Variants in CCSER1 observed in about 807,000 individuals in gnomAD.
CCSER1 encodes the protein coiled-coil serine rich protein 1.
Under a neutral mutation model 82.0 loss-of-function variants are expected in CCSER1, and 41 were observed. The ratio of observed to expected loss-of-function variants is 0.50; its 90% CI spans 0.39 to 0.65. The LOEUF is 0.65. Among genes scored for constraint, CCSER1 ranks in the 30% least tolerant of loss-of-function variants. The pLI, the probability that CCSER1 is intolerant of heterozygous loss-of-function variation, is 0.00. For synonymous variants in CCSER1, 414 were observed against 383.9 expected, an observed-to-expected ratio of 1.08 and a Z score of -0.92; for missense variants, 1,119 against 1,064.2, an observed-to-expected ratio of 1.05 and a Z score of -0.72.
intron 10 of CCSER1, among the ~76,000 whole-genome samples, chr4:91,296,449 T>TTATATATATATACATA (rs1189152879): frequency 4.3e-5 from 4 of 94,116 alleles, no homozygotes; most frequent in African/African-American, 1.7e-4. Context: ...GTGTCTAACA[T>TTATATATATATACATA]TATATATATA....
At chr4:91,394,307 G>A (rs1385758524) in intron 10 of CCSER1, among the ~76,000 whole-genome samples, 1 of 152,070 alleles carries the variant, frequency 6.6e-6, no homozygotes, top group Non-Finnish European at 1.5e-5. Context: ...TCTATCCACT[G>A]AGAGGTAATT....
intron 7 of CCSER1, chr4:90,781,351 T>A (rs1052426334): frequency 2.0e-6 from 2 of 985,314 alleles, no homozygotes; most frequent in Admixed American, 1.2e-4. Context: ...AAACCTCTTT[T>A]GTACTGTATC....
intron 8 of CCSER1, among the ~76,000 whole-genome samples, chr4:90,864,349 C>A (rs1658823343): frequency 6.6e-6 from 1 of 152,012 alleles, no homozygotes; most frequent in Non-Finnish European, 1.5e-5. Context: ...ACCTCCAATG[C>A]AACAGTGTTG....
chr4:90,714,646 G>A (rs1741297180), intron 6 of CCSER1, among the ~76,000 whole-genome samples: 1 of 151,898 alleles, frequency 6.6e-6, no homozygotes, highest in African/African-American at 2.4e-5. Context: ...CACCTTGGGG[G>A]AATGCTACAA....
intron 5 of CCSER1, among the ~76,000 whole-genome samples, chr4:90,536,995 T>A (rs1247243450): frequency 3.3e-5 from 5 of 152,238 alleles, no homozygotes; most frequent in African/African-American, 7.2e-5. Context: ...GCTAATCTGA[T>A]TATCTCATCT....
At chr4:91,396,495 TAGA>T (rs139443189) in intron 10 of CCSER1, among the ~76,000 whole-genome samples, 4,872 of 152,170 alleles carry the variant, frequency 0.032, 240 homozygotes, top group African/African-American at 0.11. Context: ...CAACTTGTAC[TAGA>T]AGAATGTACC....
chr4:90,841,225 A>G (rs1456081369), intron 8 of CCSER1, among the ~76,000 whole-genome samples: 7 of 152,196 alleles, frequency 4.6e-5, no homozygotes, highest in Admixed American at 2.6e-4. Context: ...CTCATTCTTA[A>G]GAAAGCAGGA....
intron 10 of CCSER1, among the ~76,000 whole-genome samples, chr4:91,146,442 G>A (rs1729545801): frequency 6.6e-6 from 1 of 152,126 alleles, no homozygotes; most frequent in South Asian, 2.1e-4. Context: ...ATTTCAATCT[G>A]GTTAGGATCC....
intron 10 of CCSER1, among the ~76,000 whole-genome samples, chr4:91,370,111 A>T (rs1482223372): frequency 6.6e-6 from 1 of 152,164 alleles, no homozygotes; most frequent in Non-Finnish European, 1.5e-5. Flanking sequence ...ACCTGCTAAC[A>T]AGTCTATTTA....
intron 7 of CCSER1, among the ~76,000 whole-genome samples, chr4:90,783,028 G>A (rs1754023074): frequency 1.3e-5 from 2 of 151,948 alleles, no homozygotes. Flanking sequence ...TGTAACCTCT[G>A]CCTCCCTGGT....
rs1452378185 is a variant in CCSER1 at position 91,326,640 on chromosome 4, G to A, written c.2217+240646G>A. ...CATGCCTTTCCAGCAGTTCCCCAGA[G>A]TCCTAACTCATTCCATCATTAAGTC... On this transcript the variant is annotated intron_variant, in intron 10 of 10. Coordinates refer to ENST00000509176, the MANE Select transcript of CCSER1 (RefSeq NM_001145065.2). Among the ~76,000 whole-genome samples the A allele has an allele frequency of 1.3e-5, 2 of 152,016 alleles. 1 individual carries two copies. Among genetic ancestry groups the A allele is most frequent in the South Asian group, 4.1e-4 (2 of 4,824 alleles).
intron 10 of CCSER1, among the ~76,000 whole-genome samples, chr4:91,505,454 A>G (rs929680673): frequency 6.6e-6 from 1 of 152,226 alleles, no homozygotes. Flanking sequence ...CTTTGGGTAT[A>G]TACCCAGTAA....
intron 3 of CCSER1, among the ~76,000 whole-genome samples, chr4:90,390,557 G>A (rs550713587): frequency 6.6e-6 from 1 of 152,244 alleles, no homozygotes; most frequent in South Asian, 2.1e-4. Flanking sequence ...TTCTGTTCCT[G>A]ATTTAAGTTG....
intron 10 of CCSER1, among the ~76,000 whole-genome samples, chr4:91,472,010 A>T (rs1290650710): frequency 6.6e-6 from 1 of 151,720 alleles, no homozygotes; most frequent in African/African-American, 2.4e-5. Context: ...AAAACTAAAG[A>T]TTTTATTTAA....
chr4:91,076,085 T>C (rs1042135943), intron 9 of CCSER1, among the ~76,000 whole-genome samples: 2 of 152,160 alleles, frequency 1.3e-5, no homozygotes, highest in African/African-American at 4.8e-5. Context: ...TATACCTTAC[T>C]TCTCCTTTGA....
At chr4:90,957,518 TA>T (rs1733597938) in intron 9 of CCSER1, among the ~76,000 whole-genome samples, 1 of 102,908 alleles carries the variant, frequency 9.7e-6, no homozygotes, top group Non-Finnish European at 2.0e-5. Context: ...TAATATAACA[TA>T]ATATCATATA....
At chr4:90,194,140 T>C (rs1353470666) in intron 1 of CCSER1, among the ~76,000 whole-genome samples, 4 of 152,046 alleles carry the variant, frequency 2.6e-5, no homozygotes, top group Non-Finnish European at 5.9e-5. Context: ...AGTGATATTA[T>C]GGTTAGAAGG....
chr4:91,457,054 C>T (rs561027159), intron 10 of CCSER1, among the ~76,000 whole-genome samples: 4 of 152,006 alleles, frequency 2.6e-5, no homozygotes, highest in Non-Finnish European at 5.9e-5. Context: ...AAGGAACATA[C>T]AATCCATGTG....
intron 5 of CCSER1, among the ~76,000 whole-genome samples, chr4:90,498,132 T>A (rs1442032483): frequency 6.6e-6 from 1 of 152,154 alleles, no homozygotes; most frequent in Non-Finnish European, 1.5e-5. Context: ...TCAAATCCTA[T>A]GTATGCTATG....
Sources: allele counts gnomAD v4.1 joint callset (sites outside exome capture counted in the v4.1 genomes callset), GRCh38; gene constraint gnomAD v4.1.1; transcripts MANE v1.5; gene names NCBI Gene and HGNC (gene_info 2026-07-23, HGNC 2026-07-21).